GRM7: variants seen among roughly 807,000 people sequenced by gnomAD.
GRM7 encodes metabotropic glutamate receptor 7.
Under a neutral mutation model 84.5 loss-of-function variants are expected in GRM7, and 35 were observed. That is an observed-to-expected ratio of 0.41 (90% CI 0.32 to 0.55). The LOEUF is 0.55. Ranked by LOEUF, GRM7 falls within the 20% of genes least tolerant of loss-of-function variation. GRM7 has a pLI of 0.19. For missense variants in GRM7, 1,003 were observed against 1,194.6 expected (o/e 0.84, Z 2.36); for synonymous variants, 487 against 455.1 (o/e 1.07, Z -0.89).
At chr3:7,371,480 A>G (rs1019846690) in intron 4 of GRM7, among the ~76,000 whole-genome samples, 1 of 152,208 alleles carries the variant, frequency 6.6e-6, no homozygotes, top group Admixed American at 6.5e-5. Context: ...TGAGGATGAA[A>G]AAAGGCAACA....
intron 4 of GRM7, among the ~76,000 whole-genome samples, chr3:7,373,111 A>G (rs1458096754): frequency 2.6e-5 from 4 of 152,172 alleles, no homozygotes; most frequent in Admixed American, 2.0e-4. Context: ...GACACTCAGT[A>G]TGAAGTTACA....
At chr3:7,022,299 T>C (rs1455893785) in intron 1 of GRM7, among the ~76,000 whole-genome samples, 2 of 150,392 alleles carry the variant, frequency 1.3e-5, no homozygotes, top group Admixed American at 6.7e-5. Context: ...GCACCCCAGC[T>C]GAGTGAGAGA....
intron 2 of GRM7, among the ~76,000 whole-genome samples, chr3:7,238,821 C>T (rs1038454862): frequency 6.9e-6 from 1 of 145,342 alleles, no homozygotes; most frequent in Non-Finnish European, 1.5e-5. Context: ...CCTTTTCCCT[C>T]CTCTCCTCTC....
At chr3:6,869,263 C>T (rs141700867) in intron 1 of GRM7, among the ~76,000 whole-genome samples, 22 of 152,142 alleles carry the variant, frequency 1.4e-4, no homozygotes, top group African/African-American at 5.1e-4. Flanking sequence ...CAAAAAGGTA[C>T]CACACCTTTC....
At chr3:7,266,357 A>G (rs916361294) in intron 2 of GRM7, among the ~76,000 whole-genome samples, 1 of 152,224 alleles carries the variant, frequency 6.6e-6, no homozygotes, top group Admixed American at 6.5e-5. Context: ...ACTGCATGAA[A>G]TTACAAGAGC....
intron 1 of GRM7, among the ~76,000 whole-genome samples, chr3:7,121,400 G>T (rs1012186053): frequency 2.0e-5 from 3 of 149,780 alleles, no homozygotes; most frequent in Admixed American, 1.3e-4. Context: ...TCATTGTAAG[G>T]CGTTGTGTTT....
chr3:6,865,639 C>A (rs985803652), intron 1 of GRM7, among the ~76,000 whole-genome samples: 4 of 151,816 alleles, frequency 2.6e-5, no homozygotes, highest in African/African-American at 9.7e-5. Flanking sequence ...AGTCTGTGGA[C>A]CTTGTATCAT....
At chr3:7,277,351 C>T (rs1038894194) in intron 2 of GRM7, among the ~76,000 whole-genome samples, 12 of 151,500 alleles carry the variant, frequency 7.9e-5, no homozygotes, top group Non-Finnish European at 1.3e-4. Flanking sequence ...CAATTTTATC[C>T]TCATTATTTC....
In GRM7 at chr3:6,862,946, G is replaced by C; in HGVS notation, c.519+1039G>C. The C allele has an allele frequency of 2.2e-6, 1 of 454,448 alleles. No individual in the cohort carries two copies. The highest frequency in any genetic ancestry group is 4.4e-6 in the Non-Finnish European group (1 of 226,082). 28.2% of individuals were successfully genotyped at this position (454,448 alleles called of 1,614,324 possible). Reference sequence around the variant, plus strand: ...GCTGAGCGGTGGGTTCTGCCGCAGTGTTCTCTCGCCTCCTGCTCCAGCAGC... The same window carrying C: ...GCTGAGCGGTGGGTTCTGCCGCAGTCTTCTCTCGCCTCCTGCTCCAGCAGC... On this transcript the variant is annotated intron_variant, in intron 1 of 9. Coordinates refer to ENST00000357716, the MANE Select transcript of GRM7 (RefSeq NM_000844.4). The surrounding 1 kb of genome is among the most constrained non-coding windows in gnomAD (Gnocchi z 5.2).
chr3:7,353,955 T>C (rs1229177155), intron 4 of GRM7, among the ~76,000 whole-genome samples: 12 of 152,170 alleles, frequency 7.9e-5, no homozygotes. Context: ...GGAAGGCTAT[T>C]ACATTATTTC....
intron 2 of GRM7, among the ~76,000 whole-genome samples, chr3:7,251,424 T>G (rs1240793328): frequency 2.6e-5 from 4 of 152,170 alleles, no homozygotes; most frequent in Admixed American, 1.3e-4. Context: ...TTACTTTTTT[T>G]TCACAAAAAA....
At chr3:7,675,840 G>A (rs1700100154) in intron 8 of GRM7, among the ~76,000 whole-genome samples, 1 of 152,064 alleles carries the variant, frequency 6.6e-6, no homozygotes, top group African/African-American at 2.4e-5. Flanking sequence ...CATTTCCTGG[G>A]TACTTATTTT....
intron 1 of GRM7, among the ~76,000 whole-genome samples, chr3:7,121,558 G>T (rs1385332656): frequency 6.6e-6 from 1 of 152,200 alleles, no homozygotes; most frequent in Non-Finnish European, 1.5e-5. Flanking sequence ...TACAACCAAA[G>T]CTTCAACATT....
At chr3:7,284,252 G>A (rs1256123095) in intron 2 of GRM7, among the ~76,000 whole-genome samples, 2 of 150,846 alleles carry the variant, frequency 1.3e-5, no homozygotes, top group African/African-American at 2.4e-5. Flanking sequence ...TTGGCTTCAG[G>A]AGTTAGGGGT....
intron 4 of GRM7, among the ~76,000 whole-genome samples, chr3:7,321,500 CTG>C (rs1480268017): frequency 1.3e-5 from 2 of 151,978 alleles, no homozygotes; most frequent in African/African-American, 4.8e-5. Context: ...GATCTCTCTG[CTG>C]TGTGTTTTTT....
intron 5 of GRM7, among the ~76,000 whole-genome samples, chr3:7,419,626 T>A (rs149702458): frequency 2.5e-4 from 38 of 152,288 alleles, no homozygotes; most frequent in African/African-American, 8.9e-4. Flanking sequence ...GGGCAACATC[T>A]TATGGCTTAT....
intron 7 of GRM7, among the ~76,000 whole-genome samples, chr3:7,496,471 C>G (rs1302024320): frequency 6.6e-6 from 1 of 152,048 alleles, no homozygotes; most frequent in Non-Finnish European, 1.5e-5. Context: ...AAAACACAAA[C>G]AAGCTGAGAA....
intron 7 of GRM7, among the ~76,000 whole-genome samples, chr3:7,522,840 G>A (rs999110555): frequency 6.6e-6 from 1 of 152,144 alleles, no homozygotes; most frequent in Non-Finnish European, 1.5e-5. Context: ...GGTACTTAGG[G>A]TTTGATGAGG....
chr3:7,580,708 T>G (rs1341895742), intron 8 of GRM7, among the ~76,000 whole-genome samples: 2 of 152,184 alleles, frequency 1.3e-5, no homozygotes, highest in Non-Finnish European at 2.9e-5. Flanking sequence ...GTTTTAGTCA[T>G]AAAGTATTTT....
Sources: gnomAD v4.1 joint callset for allele counts (sites outside exome capture counted in the v4.1 genomes callset) on GRCh38, gnomAD v4.1.1 for gene constraint, Gnocchi (gnomAD v3.1) non-coding constraint, MANE v1.5 for transcripts, NCBI Gene and HGNC (gene_info 2026-07-23, HGNC 2026-07-21) for gene names.